The following SHROOM3 variants were observed in gnomAD, a reference collection of about 807,000 sequenced individuals.
SHROOM3 encodes protein Shroom3.
SHROOM3 carries 47 observed loss-of-function variants against 138.6 expected under a neutral mutation model. The ratio of observed to expected loss-of-function variants is 0.34; its 90% CI spans 0.27 to 0.43. The LOEUF (loss-of-function observed/expected upper bound fraction) is 0.43. SHROOM3 is among the 20% of genes least tolerant of loss of function. The probability of loss-of-function intolerance (pLI) is 1.00; values close to 1 mark genes in which losing one functional copy is unlikely to be tolerated. For missense variants in SHROOM3, 2,491 were observed against 2,596.5 expected, an observed-to-expected ratio of 0.96 and a Z score of 0.88; for synonymous variants, 1,062 against 1,063.3, an observed-to-expected ratio of 1.00 and a Z score of 0.02.
In SHROOM3 at chr4:76,658,705, C is replaced by T. The variant is rs147459007; in HGVS notation, c.324-51451C>T. Among the ~76,000 whole-genome samples, 85 of 152,036 alleles carry T rather than the reference C, an allele frequency of 5.6e-4. No homozygotes were observed. The East Asian group carries it at 0.016, about 28-fold the overall frequency. On this transcript the variant is annotated intron_variant, in intron 2 of 10. Coordinates refer to ENST00000296043, the MANE Select transcript of SHROOM3 (RefSeq NM_020859.4). ...GTGTTTGTGTGTGTGTGCACATGCCCGCATGTGTGCTTGGTAGGATCCAAC... is the reference window on the plus strand; with the variant it reads ...GTGTTTGTGTGTGTGTGCACATGCCTGCATGTGTGCTTGGTAGGATCCAAC...
intron 2 of SHROOM3, among the ~76,000 whole-genome samples, chr4:76,635,289 T>A (rs1420309222): frequency 6.6e-6 from 1 of 152,210 alleles, no homozygotes; most frequent in Admixed American, 6.5e-5. Flanking sequence ...GGTCACTCAC[T>A]GATCAACCAT....
chr4:76,532,985 A>G (rs1394355363), intron 1 of SHROOM3, among the ~76,000 whole-genome samples: 2 of 152,312 alleles, frequency 1.3e-5, no homozygotes, highest in East Asian at 3.9e-4. Flanking sequence ...GGTGGCGTCT[A>G]TAGTGTGGAT....
At chr4:76,670,849 A>C (rs1467845241) in intron 2 of SHROOM3, among the ~76,000 whole-genome samples, 1 of 152,132 alleles carries the variant, frequency 6.6e-6, no homozygotes, top group African/African-American at 2.4e-5. Flanking sequence ...GATACTTGGG[A>C]GATTGAAGTG....
chr4:76,608,738 T>C lies in SHROOM3; in HGVS notation c.323+52975T>C, dbSNP rs6855078. 4.0e-3 allele frequency among the ~76,000 whole-genome samples: 564 copies of C among 142,006 alleles called. 18 individuals are homozygous for C. Among genetic ancestry groups the C allele is most frequent in the African/African-American group, 0.015 (518 of 34,918 alleles). The allele number at this position is 142,006 out of a possible 152,430, so 93.2% of individuals were successfully genotyped here. A position where few individuals can be genotyped will look rare whatever the true frequency, so the allele number is the denominator to read the frequency against. ...CAGCACAGCACAGCACAGCATAGCA[T>C]AGCATAGCACAGTGTCAGGTTAGAA... On this transcript the variant is annotated intron_variant, in intron 2 of 10. Coordinates refer to ENST00000296043, the MANE Select transcript of SHROOM3 (RefSeq NM_020859.4).
intron 2 of SHROOM3, among the ~76,000 whole-genome samples, chr4:76,584,595 C>T (rs1044436445): frequency 1.3e-5 from 2 of 152,168 alleles, no homozygotes; most frequent in Admixed American, 6.5e-5. Flanking sequence ...CCATACTAGC[C>T]GGCTGATTGT....
chr4:76,614,110 C>T (rs574102930), intron 2 of SHROOM3, among the ~76,000 whole-genome samples: 2 of 152,038 alleles, frequency 1.3e-5, no homozygotes, highest in Non-Finnish European at 2.9e-5. Flanking sequence ...GAGTGCAGTG[C>T]AGTGGCGAGA....
intron 2 of SHROOM3, among the ~76,000 whole-genome samples, chr4:76,699,328 G>A (rs1214259091): frequency 6.6e-6 from 1 of 152,172 alleles, no homozygotes; most frequent in African/African-American, 2.4e-5. Context: ...TAGGTACGCA[G>A]ATCATGTTTT....
chr4:76,444,510 T>C (rs1226928971), intron 1 of SHROOM3, among the ~76,000 whole-genome samples: 13 of 117,384 alleles, frequency 1.1e-4, no homozygotes, highest in Non-Finnish European at 5.2e-5. Flanking sequence ...TTTTTTTTTT[T>C]TGAGACGGAG....
intron 2 of SHROOM3, among the ~76,000 whole-genome samples, chr4:76,618,838 C>T (rs1227818702): frequency 6.6e-6 from 1 of 152,118 alleles, no homozygotes; most frequent in Non-Finnish European, 1.5e-5. Context: ...GTACAGGATC[C>T]ATTCCCAGGC....
intron 1 of SHROOM3, among the ~76,000 whole-genome samples, chr4:76,472,191 G>A (rs748892699): frequency 4.6e-5 from 7 of 152,132 alleles, no homozygotes; most frequent in Non-Finnish European, 8.8e-5. Flanking sequence ...TGATCAAAAT[G>A]TGTCATACAC....
intron 2 of SHROOM3, among the ~76,000 whole-genome samples, chr4:76,569,136 A>G (rs993659520): frequency 6.6e-6 from 1 of 152,238 alleles, no homozygotes; most frequent in Non-Finnish European, 1.5e-5. Flanking sequence ...GTAGTTTTCC[A>G]TACTGTTAGC....
At position 76,739,748 on chromosome 4, in the gene SHROOM3, G is replaced by T. The variant is rs767480636; in HGVS notation, c.1575G>T (p.Arg525Ser). ...ATGGGAACCAGAATGGATCTGGCAG[G>T]CCTGGGTTTGCCTTCTGCCAGCCCT... ...DENGNQNGSGRPGFAFCQPLE... is the reference protein window; with the variant it reads ...DENGNQNGSGSPGFAFCQPLE... The change falls in exon 5 of 11, where the codon AGG becomes AGT. Residue 525 changes from arginine (R) to serine (S), a missense_variant. Coordinates refer to ENST00000296043, the MANE Select transcript of SHROOM3 (RefSeq NM_020859.4). The T allele has an allele frequency of 2.5e-5, 40 of 1,614,106 alleles. No individual in the cohort carries two copies. Among genetic ancestry groups the T allele is most frequent in the Non-Finnish European group, 3.4e-5 (40 of 1,180,042 alleles).
intron 2 of SHROOM3, among the ~76,000 whole-genome samples, chr4:76,620,013 G>C (rs528331064): frequency 7.0e-6 from 1 of 142,952 alleles, no homozygotes; most frequent in South Asian, 2.3e-4. Flanking sequence ...AGGAGTTGCA[G>C]TGAGCCAAGA....
chr4:76,739,260 C>T lies in SHROOM3; in HGVS notation c.1087C>T (p.Gln363Ter), dbSNP rs756959889. 1 of 1,614,074 alleles carries T rather than the reference C, an allele frequency of 6.2e-7. No individual in the cohort carries two copies. The highest frequency in any genetic ancestry group is 8.5e-7 in the Non-Finnish European group (1 of 1,180,032). Residue 363 changes from glutamine to a stop codon, truncating the protein, a stop_gained, in exon 5 of 11, where the codon CAG becomes TAG. Transcript: ENST00000296043. LOFTEE classifies it high-confidence loss of function. ...GKGVPPPSWS[Q>*]QCPSSLETAT... ...GGGAGTGCCACCCCCATCCTGGAGC[C>T]AGCAGTGCCCCAGTTCCTTGGAGAC... is the stretch of plus-strand genomic sequence containing the variant.
At chr4:76,511,001 T>G (rs1276054267) in intron 1 of SHROOM3, among the ~76,000 whole-genome samples, 1 of 151,992 alleles carries the variant, frequency 6.6e-6, no homozygotes, top group Non-Finnish European at 1.5e-5. Context: ...GCCAACATGG[T>G]GAAACCCCGC....
At chr4:76,640,079 G>A (rs1458083065) in intron 2 of SHROOM3, among the ~76,000 whole-genome samples, 1 of 151,914 alleles carries the variant, frequency 6.6e-6, no homozygotes, top group African/African-American at 2.4e-5. Flanking sequence ...ATTTTTGTCA[G>A]CTGCCAGATT....
At chr4:76,643,589 T>C (rs1032700591) in intron 2 of SHROOM3, among the ~76,000 whole-genome samples, 2 of 152,218 alleles carry the variant, frequency 1.3e-5, no homozygotes, top group Non-Finnish European at 2.9e-5. Context: ...TGCATCCATT[T>C]TCCTATCATC....
intron 2 of SHROOM3, among the ~76,000 whole-genome samples, chr4:76,666,946 GT>G (rs1718708949): frequency 6.6e-6 from 1 of 152,206 alleles, no homozygotes; most frequent in Admixed American, 6.5e-5. Flanking sequence ...CTTTGGGAAT[GT>G]TATGCTAAGT....
At chr4:76,598,183 C>T (rs1303644825) in intron 2 of SHROOM3, among the ~76,000 whole-genome samples, 8 of 152,178 alleles carry the variant, frequency 5.3e-5, no homozygotes, top group East Asian at 1.9e-4. Context: ...CCTGCCACCA[C>T]GCCTGGCTAA....
Sources: allele counts gnomAD v4.1 joint callset (sites outside exome capture counted in the v4.1 genomes callset), GRCh38; gene constraint gnomAD v4.1.1; transcripts MANE v1.5; gene names NCBI Gene and HGNC (gene_info 2026-07-23, HGNC 2026-07-21).